The following PTPRD variants were observed in gnomAD, a reference collection of about 807,000 sequenced individuals.
The protein encoded by PTPRD is receptor-type tyrosine-protein phosphatase delta.
PTPRD carries 34 observed loss-of-function variants against 214.5 expected under a neutral mutation model. The observed-to-expected ratio is 0.16, with a 90% CI of 0.12 to 0.21. PTPRD has a LOEUF of 0.21. PTPRD is among the 10% of genes least tolerant of loss of function. The pLI, the probability that PTPRD is intolerant of heterozygous loss-of-function variation, is 1.00. For missense variants in PTPRD, 2,545 were observed against 2,398.7 expected, an observed-to-expected ratio of 1.06 and a Z score of -1.27; for synonymous variants, 1,128 against 845.7, an observed-to-expected ratio of 1.33 and a Z score of -5.79.
At chr9:8,658,189 G>A (rs1173584069) in intron 12 of PTPRD, among the ~76,000 whole-genome samples, 1 of 152,156 alleles carries the variant, frequency 6.6e-6, no homozygotes, top group Non-Finnish European at 1.5e-5. Flanking sequence ...CAGATAACAT[G>A]TATAACAGAT....
At chr9:10,121,813 T>G (rs905502701) in intron 3 of PTPRD, among the ~76,000 whole-genome samples, 15 of 151,840 alleles carry the variant, frequency 9.9e-5, no homozygotes, top group African/African-American at 3.2e-4. Flanking sequence ...ATTCCAAGAT[T>G]TTTTTCCCTC....
intron 9 of PTPRD, among the ~76,000 whole-genome samples, chr9:9,236,927 G>C (rs182034465): frequency 6.6e-5 from 10 of 152,090 alleles, no homozygotes; most frequent in Non-Finnish European, 1.3e-4. Context: ...TCTTGAAAAG[G>C]CTGCACCTTT....
At chr9:9,008,321 C>T (rs1181983121) in intron 11 of PTPRD, among the ~76,000 whole-genome samples, 1 of 151,460 alleles carries the variant, frequency 6.6e-6, no homozygotes, top group Non-Finnish European at 1.5e-5. Context: ...TCCGCCTCCC[C>T]AGTTCATGTC....
In PTPRD at chr9:8,854,206, G is replaced by A. The variant is rs142635190; in HGVS notation, c.-103-120260C>T. Among the ~76,000 whole-genome samples, 807 of 152,248 alleles carry A rather than the reference G, an allele frequency of 5.3e-3. 7 individuals are homozygous for A. Among genetic ancestry groups the A allele is most frequent in the African/African-American group, 0.018 (748 of 41,560 alleles). On this transcript the variant is annotated intron_variant, in intron 11 of 45. Transcript: ENST00000381196. ...AAGGCTTTCTGCATAGATATTTTAA[G>A]TGTAAACCTAAGTCTGATGCTCCTA...
chr9:9,189,016 T>A (rs999160149), intron 9 of PTPRD, among the ~76,000 whole-genome samples: 58 of 152,166 alleles, frequency 3.8e-4, no homozygotes, highest in African/African-American at 1.3e-3. Flanking sequence ...TTAATATCAG[T>A]CTATTCTAAA....
rs1555505761 is a variant in PTPRD at position 8,907,533 on chromosome 9, AATAT to A, written c.-104+111160_-104+111163del. Among the ~76,000 whole-genome samples, 249 of 118,202 alleles carry A rather than the reference AATAT, an allele frequency of 2.1e-3. 17 individuals carry two copies. Among genetic ancestry groups the A allele is most frequent in the South Asian group, 4.1e-3 (14 of 3,446 alleles). 77.5% of individuals were successfully genotyped at this position (118,202 alleles called of 152,430 possible). On this transcript the variant is annotated intron_variant, in intron 11 of 45. Coordinates refer to ENST00000381196, the MANE Select transcript of PTPRD (RefSeq NM_002839.4). ...ACTCCGTCTCAAAAAAAAAAAAAAA[AATAT>A]ATATATATATATATATAAAGAAGAA...
At chr9:9,023,026 G>T (rs1334031408) in intron 10 of PTPRD, among the ~76,000 whole-genome samples, 1 of 152,070 alleles carries the variant, frequency 6.6e-6, no homozygotes, top group African/African-American at 2.4e-5. Context: ...TGAACATTAG[G>T]GGATGTTTGG....
At chr9:9,002,843 C>T (rs933434391) in intron 11 of PTPRD, among the ~76,000 whole-genome samples, 6 of 152,078 alleles carry the variant, frequency 3.9e-5, no homozygotes, top group African/African-American at 1.4e-4. Flanking sequence ...AAGTAAGGGT[C>T]ACCACAATGT....
intron 8 of PTPRD, among the ~76,000 whole-genome samples, chr9:9,406,103 G>A (rs1310906537): frequency 6.6e-6 from 1 of 151,962 alleles, no homozygotes; most frequent in African/African-American, 2.4e-5. Flanking sequence ...AAAATATACT[G>A]AGAAAATTGA....
At chr9:9,308,912 C>G (rs1320188435) in intron 9 of PTPRD, among the ~76,000 whole-genome samples, 1 of 152,060 alleles carries the variant, frequency 6.6e-6, no homozygotes, top group Non-Finnish European at 1.5e-5. Flanking sequence ...AAAGCAGAGT[C>G]TTCAAACTAT....
intron 9 of PTPRD, among the ~76,000 whole-genome samples, chr9:9,352,327 ATGTGTG>A (rs1055505531): frequency 1.2e-4 from 8 of 68,382 alleles, no homozygotes; most frequent in African/African-American, 1.8e-4. Flanking sequence ...ATATATATAT[ATGTGTG>A]TGTGTGTGTG....
intron 44 of PTPRD, among the ~76,000 whole-genome samples, chr9:8,325,861 C>G (rs887149737): frequency 2.6e-5 from 4 of 152,060 alleles, no homozygotes; most frequent in African/African-American, 4.8e-5. Flanking sequence ...TGGGAGTTCA[C>G]TCGTGATTTG....
At position 8,843,309 on chromosome 9, in the gene PTPRD, C is replaced by A. The variant is rs115339367; in HGVS notation, c.-103-109363G>T. On this transcript the variant is annotated intron_variant, in intron 11 of 45. Transcript: ENST00000381196. ...ACAGAATCTGTTATCAATTCACTTT[C>A]CTTGAGAAGGTATTTTTGAAACACA... Among the ~76,000 whole-genome samples, 168 of 152,314 alleles carry A rather than the reference C, an allele frequency of 1.1e-3. 1 individual carries two copies. The highest frequency in any genetic ancestry group is 3.7e-3 in the African/African-American group (152 of 41,574).
chr9:9,798,923 T>G (rs767321667), intron 5 of PTPRD, among the ~76,000 whole-genome samples: 1 of 152,130 alleles, frequency 6.6e-6, no homozygotes, highest in Non-Finnish European at 1.5e-5. Flanking sequence ...AATGTTTTGG[T>G]TTTTCTTTTA....
At chr9:10,488,987 G>T (rs2099150904) in intron 2 of PTPRD, among the ~76,000 whole-genome samples, 1 of 152,044 alleles carries the variant, frequency 6.6e-6, no homozygotes, top group Non-Finnish European at 1.5e-5. Context: ...GCAAGACAAA[G>T]TTCCCTTTGT....
chr9:10,437,302 T>G (rs542162137), intron 2 of PTPRD, among the ~76,000 whole-genome samples: 1 of 151,958 alleles, frequency 6.6e-6, no homozygotes, highest in East Asian at 1.9e-4. Context: ...GTTACATACA[T>G]TAAATAGATT....
At chr9:9,019,281 G>GAAGAAGA (rs2099550362) in intron 10 of PTPRD, among the ~76,000 whole-genome samples, 1 of 72,144 alleles carries the variant, frequency 1.4e-5, no homozygotes, top group Non-Finnish European at 3.2e-5. Flanking sequence ...GAAAAAGAAA[G>GAAGAAGA]AAGAAAGAAA....
chr9:10,135,566 G>A (rs1484011519), intron 3 of PTPRD, among the ~76,000 whole-genome samples: 1 of 152,032 alleles, frequency 6.6e-6, no homozygotes, highest in East Asian at 1.9e-4. Context: ...AAAGATGGGG[G>A]TCTATATTTA....
At chr9:10,318,890 A>T (rs2096496767) in intron 3 of PTPRD, among the ~76,000 whole-genome samples, 1 of 152,112 alleles carries the variant, frequency 6.6e-6, no homozygotes, top group South Asian at 2.1e-4. Context: ...ACATCTGCCT[A>T]GTATGGTGAT....
Sources: allele counts gnomAD v4.1 joint callset (sites outside exome capture counted in the v4.1 genomes callset), GRCh38; gene constraint gnomAD v4.1.1; transcripts MANE v1.5; gene names NCBI Gene and HGNC (gene_info 2026-07-23, HGNC 2026-07-21).